FTCD: variants seen among roughly 807,000 people sequenced by gnomAD.
FTCD encodes formimidoyltransferase-cyclodeaminase.
FTCD carries 76 observed loss-of-function variants against 62.9 expected under a neutral mutation model. The ratio of observed to expected loss-of-function variants is 1.21; its 90% CI spans 1.00 to 1.46. FTCD has a LOEUF of 1.46. Among genes scored for constraint, FTCD ranks in the 40% most tolerant of loss-of-function variants. The pLI, the probability that FTCD is intolerant of heterozygous loss-of-function variation, is 0.00. For missense variants in FTCD, 845 were observed against 751.3 expected, an observed-to-expected ratio of 1.12 and a Z score of -1.46; for synonymous variants, 397 against 336.9, an observed-to-expected ratio of 1.18 and a Z score of -1.95.
At chr21:46,143,071 G>C in intron 10 of FTCD, among the ~76,000 whole-genome samples, 1 of 152,240 alleles carries the variant, frequency 6.6e-6, no homozygotes, top group Non-Finnish European at 1.5e-5. Context: ...GGACCCTCAG[G>C]CGACTCCCTC....
chr21:46,155,574 GC>G lies in FTCD; in HGVS notation c.-52del. On this transcript the variant is annotated 5_prime_UTR_variant, in exon 1 of 14. Transcript: ENST00000397746. ...CTCTCTGGGCAGATGGAAGGACAGG[GC>G]CAGTGCTCCGCAGCCGCCGCCAGGG... 1 of 1,528,152 alleles carries G rather than the reference GC, an allele frequency of 6.5e-7. No homozygotes were observed. The highest frequency in any genetic ancestry group is 9.1e-7 in the Non-Finnish European group (1 of 1,103,332). The allele number at this position is 1,528,152 out of a possible 1,614,324, so 94.7% of individuals were successfully genotyped here.
At position 46,155,456 on chromosome 21, in the gene FTCD, T is replaced by A. The variant is rs1241953889; in HGVS notation, c.54+14A>T. 1.9e-6 allele frequency: 3 copies of A among 1,608,480 alleles called. No homozygotes were observed. The Admixed American group carries it at 5.0e-5, about 27-fold the overall frequency. ...CATCAGCCCTAGATGCTTGACCAGC[T>A]CCTCGGGCCTCACCTCCTGGTTCTT... On this transcript the variant is annotated intron_variant, in intron 1 of 13. Coordinates refer to ENST00000397746, the MANE Select transcript of FTCD (RefSeq NM_206965.2).
At chr21:46,139,135 G>A in intron 10 of FTCD, 4 of 608,012 alleles carry the variant, frequency 6.6e-6, no homozygotes, top group Admixed American at 2.7e-5. Flanking sequence ...ACAGCAGATG[G>A]TCAGAGACCC....
intron 12 of FTCD, among the ~76,000 whole-genome samples, chr21:46,137,949 C>T (rs545382924): frequency 3.3e-5 from 5 of 152,286 alleles, no homozygotes; most frequent in East Asian, 1.9e-4. Context: ...AAGGCTGGAG[C>T]GCAGTGGTGT....
chr21:46,150,760 C>A (rs911817833), intron 5 of FTCD, among the ~76,000 whole-genome samples: 2 of 152,194 alleles, frequency 1.3e-5, no homozygotes. Context: ...CCCCGGCAGG[C>A]CCCCGCCCAG....
At chr21:46,141,624 TAA>T (rs1438496920) in intron 10 of FTCD, among the ~76,000 whole-genome samples, 3 of 151,066 alleles carry the variant, frequency 2.0e-5, no homozygotes, top group Non-Finnish European at 4.4e-5. Flanking sequence ...ACATAAAGAT[TAA>T]GAGTCATTGT....
Position 46,136,800 on chromosome 21 carries a change from G to C in FTCD, c.*187C>G. On this transcript the variant is annotated 3_prime_UTR_variant, in exon 14 of 14. Coordinates refer to ENST00000397746, the MANE Select transcript of FTCD (RefSeq NM_206965.2). ...CAGGTTTGGTGCCAAAACTTTACTGGAGGTCACATGGGACTAGGGGCCTTC... is the reference window on the plus strand; with the variant it reads ...CAGGTTTGGTGCCAAAACTTTACTGCAGGTCACATGGGACTAGGGGCCTTC... The C allele has an allele frequency of 1.3e-6, 2 of 1,530,914 alleles. No individual in the cohort carries two copies. The highest frequency in any genetic ancestry group is 1.8e-6 in the Non-Finnish European group (2 of 1,136,436). 94.8% of individuals were successfully genotyped at this position (1,530,914 alleles called of 1,614,324 possible).
rs1473861850 is a variant in FTCD at position 46,150,325 on chromosome 21, CG to C, written c.774+62del. 8 of 1,610,396 alleles carry C rather than the reference CG, an allele frequency of 5.0e-6. No homozygotes were observed. The South Asian group carries it at 5.5e-5, about 11-fold the overall frequency. On this transcript the variant is annotated intron_variant, in intron 6 of 13. Transcript: ENST00000397746. The stretch of plus-strand genomic sequence containing the variant: ...CCCTGGCTGGAGGATGTGGGGCCCC[CG>C]CCCTGCCCACGGGACAGATCGGCTC...
rs1203832919 is a variant in FTCD, at chr21:46,137,291, A to T, written c.1487T>A (p.Phe496Tyr). Reference protein sequence around the residue: ...ALEMGVFGAYFNVLINLRDIT... With the variant: ...ALEMGVFGAYYNVLINLRDIT... Reference sequence around the variant, plus strand: ...GTCCCTCAGGTTGATGAGCACGTTGAAATATGCGCCAAACACGCCCATCTC... The same window carrying T: ...GTCCCTCAGGTTGATGAGCACGTTGTAATATGCGCCAAACACGCCCATCTC... The change falls in exon 13 of 14, where the codon TTC (phenylalanine) becomes TAC (tyrosine). Residue 496 changes from phenylalanine to tyrosine, a missense_variant. Coordinates refer to ENST00000397746, the MANE Select transcript of FTCD (RefSeq NM_206965.2). The T allele has an allele frequency of 6.2e-7, 1 of 1,613,856 alleles. No homozygotes were observed. The highest frequency in any genetic ancestry group is 1.1e-5 in the South Asian group (1 of 91,082).
chr21:46,143,727 G>T (rs1299424923), intron 10 of FTCD, among the ~76,000 whole-genome samples: 2 of 152,154 alleles, frequency 1.3e-5, no homozygotes, highest in African/African-American at 4.8e-5. Context: ...GAAGGCGCCC[G>T]TTACCAAGCG....
chr21:46,143,518 C>T (rs2079064340), intron 10 of FTCD, among the ~76,000 whole-genome samples: 1 of 152,132 alleles, frequency 6.6e-6, no homozygotes, highest in African/African-American at 2.4e-5. Context: ...AATTATTAAT[C>T]ATTAGTTTGT....
chr21:46,145,352 T>C (rs913981109), intron 10 of FTCD, 65 bp downstream of exon 10: 2 of 1,379,704 alleles, frequency 1.4e-6, no homozygotes, highest in Non-Finnish European at 2.0e-6. Context: ...CGCTTCTCAC[T>C]GGGGCCCCAG....
At chr21:46,144,703 CT>C in intron 10 of FTCD, among the ~76,000 whole-genome samples, 1 of 54,070 alleles carries the variant, frequency 1.8e-5, no homozygotes, top group Non-Finnish European at 3.6e-5. Flanking sequence ...ATCTGCCTCT[CT>C]CCCCACTCTC....
Position 46,145,858 on chromosome 21 carries a change from G to C in FTCD, c.1058C>G (p.Ala353Gly). The C allele has an allele frequency of 8.5e-7, 1 of 1,178,314 alleles. No homozygotes were observed. The highest frequency in any genetic ancestry group is 1.0e-6 in the Non-Finnish European group (1 of 958,618). 73.0% of individuals were successfully genotyped at this position (1,178,314 alleles called of 1,614,324 possible). The change falls in exon 9 of 14, where the codon GCC (alanine) becomes GGC (glycine). Residue 353 changes from alanine to glycine, a missense_variant. By Grantham distance (60) the Ala-to-Gly change is moderately conservative. Transcript: ENST00000397746. ...CGCCGCCACCGAGCCGCCCCCGGGGGCCGCAGAGCGGGCACCCACCTCCCC... is the reference window on the plus strand; with the variant it reads ...CGCCGCCACCGAGCCGCCCCCGGGGCCCGCAGAGCGGGCACCCACCTCCCC... The part of the protein sequence containing the change: ...FVGEVGARSA[A>G]PGGGSVAAAA...
intron 2 of FTCD, 145 bp downstream of exon 2, chr21:46,154,001 GTCC>G: frequency 3.7e-6 from 3 of 808,530 alleles, no homozygotes; most frequent in Non-Finnish European, 6.3e-6. Flanking sequence ...ACACTCCAGG[GTCC>G]TCCTAGGAGA....
At position 46,138,930 on chromosome 21, in the gene FTCD, T is replaced by C. The variant is rs768436786; in HGVS notation, c.1261-7A>G. The C allele has an allele frequency of 4.3e-6, 7 of 1,611,346 alleles. No homozygotes were observed. The South Asian group carries it at 6.6e-5, about 15-fold the overall frequency. ...TGGGGAGCCTCATTGCTTCCTGCCA[T>C]AAAGAGACAGAACCACTGGGCGAGG... is the stretch of plus-strand genomic sequence containing the variant. On this transcript the variant is annotated splice_region_variant and splice_polypyrimidine_tract_variant and intron_variant, in intron 10 of 13. Coordinates refer to ENST00000397746, the MANE Select transcript of FTCD (RefSeq NM_206965.2).
In FTCD at chr21:46,150,169, A is replaced by G. The variant is rs138650765; in HGVS notation, c.856T>C (p.Cys286Arg). The G allele has an allele frequency of 4.3e-6, 7 of 1,609,490 alleles. No individual in the cohort carries two copies. The highest frequency in any genetic ancestry group is 5.9e-6 in the Non-Finnish European group (7 of 1,178,494). The change falls in exon 7 of 14, where the codon TGC becomes CGC. Residue 286 changes from cysteine to arginine, a missense_variant. Transcript: ENST00000397746. ...KALLDAAAFY[C>R]EKENLFILEE... ...AGGATGAAGAGGTTCTCCTTCTCGC[A>G]GTAGAAGGCGGCCGCATCCAGCAGA...
Position 46,154,298 on chromosome 21 carries a change from G to T in FTCD, c.89C>A (p.Thr30Asn), listed in dbSNP as rs748582192. The change falls in exon 2 of 14, where the codon ACC becomes AAC. Residue 30 changes from threonine to asparagine, a missense_variant. Coordinates refer to ENST00000397746, the MANE Select transcript of FTCD (RefSeq NM_206965.2). The stretch of plus-strand genomic sequence containing the variant: ...CACATCCAGCAGCACGCAGCCCGGG[G>T]TCTGTGTGATGGCTCCAGAGATGGC... ...IDAISGAITQTPGCVLLDVDA... is the reference protein window; with the variant it reads ...IDAISGAITQNPGCVLLDVDA... 1 of 1,611,682 alleles carries T rather than the reference G, an allele frequency of 6.2e-7. No individual in the cohort carries two copies. Among genetic ancestry groups the T allele is most frequent in the South Asian group, 1.1e-5 (1 of 91,000 alleles).
At chr21:46,137,414 TG>T in intron 12 of FTCD, 80 bp from the exon 13 acceptor site, 5 of 1,111,778 alleles carry the variant, frequency 4.5e-6, no homozygotes, top group Non-Finnish European at 5.5e-6. Flanking sequence ...TGACGGGCTC[TG>T]GGACAGGCCG....
Sources: allele counts gnomAD v4.1 joint callset (sites outside exome capture counted in the v4.1 genomes callset), GRCh38; gene constraint gnomAD v4.1.1; transcripts MANE v1.5; gene names NCBI Gene and HGNC (gene_info 2026-07-23, HGNC 2026-07-21).